Variants in DCLK1 observed in about 807,000 individuals in gnomAD.
DCLK1 encodes the protein doublecortin like kinase 1, also known as serine/threonine-protein kinase DCLK1.
DCLK1 carries 16 observed loss-of-function variants against 86.2 expected under a neutral mutation model. The observed-to-expected ratio is 0.19, with a 90% CI of 0.13 to 0.28. The LOEUF is 0.28. Ranked by LOEUF, DCLK1 falls within the 10% of genes least tolerant of loss-of-function variation. The pLI, the probability that DCLK1 is intolerant of heterozygous loss-of-function variation, is 1.00. For synonymous variants in DCLK1, 369 were observed against 370.5 expected (o/e 1.00, Z 0.05); for missense variants, 590 against 940.2 (o/e 0.63, Z 4.87).
chr13:36,111,981 A>G lies in DCLK1; in HGVS notation c.611T>C (p.Leu204Pro). 6.2e-7 allele frequency: 1 copy of G among 1,614,256 alleles called. No individual in the cohort carries two copies. The highest frequency in any genetic ancestry group is 8.5e-7 in the Non-Finnish European group (1 of 1,180,050). Residue 204 changes from leucine to proline, a missense_variant, in exon 3 of 17, where the codon CTG becomes CCG. By Grantham distance (98) the Leu-to-Pro change is moderately conservative (BLOSUM62 -3). This residue lies in a region of DCLK1 where 195 missense variants were observed against 365.1 expected (regional missense o/e 0.53). Coordinates refer to ENST00000360631, the MANE Select transcript of DCLK1 (RefSeq NM_001330071.2). ...GGAATGAGCCGTTTTCTTGTTCAGC[A>G]GAATCCTGACAGCTTTCCGTGGCTT... ...GVKPRKAVRILLNKKTAHSFE... is the reference protein window; with the variant it reads ...GVKPRKAVRIPLNKKTAHSFE...
chr13:35,909,835 T>C (rs1348277132), intron 4 of DCLK1, among the ~76,000 whole-genome samples: 1 of 151,972 alleles, frequency 6.6e-6, no homozygotes, highest in Non-Finnish European at 1.5e-5. Flanking sequence ...CTAGACTTTA[T>C]TACTCCTTAA....
intron 3 of DCLK1, among the ~76,000 whole-genome samples, chr13:35,961,092 GA>G (rs1195809183): frequency 6.6e-6 from 1 of 152,128 alleles, no homozygotes; most frequent in East Asian, 1.9e-4. Flanking sequence ...ATAGGCTCTG[GA>G]GTCAGAGAAA....
chr13:36,012,367 G>A lies in DCLK1; in HGVS notation c.724-64910C>T, dbSNP rs566846486. 3.3e-3 allele frequency among the ~76,000 whole-genome samples: 503 copies of A among 152,008 alleles called. 2 individuals are homozygous for A. The highest frequency in any genetic ancestry group is 3.5e-3 in the Non-Finnish European group (238 of 67,962). On this transcript the variant is annotated intron_variant, in intron 3 of 16. Transcript: ENST00000360631. ...GCATGATTTTGCCACGGCTGTTACC[G>A]GTTGTTCCTTTCCATGTTTAGCGCT... is the stretch of plus-strand genomic sequence containing the variant.
At chr13:35,965,442 C>T (rs1878682111) in intron 3 of DCLK1, among the ~76,000 whole-genome samples, 1 of 152,220 alleles carries the variant, frequency 6.6e-6, no homozygotes, top group African/African-American at 2.4e-5. Flanking sequence ...CTAATTCCAT[C>T]TGATAGTGCC....
At chr13:35,990,794 G>A (rs982361391) in intron 3 of DCLK1, among the ~76,000 whole-genome samples, 2 of 117,750 alleles carry the variant, frequency 1.7e-5, no homozygotes, top group African/African-American at 5.8e-5. Flanking sequence ...AGCCAACGTG[G>A]GGATTTTTTT....
chr13:35,973,495 A>G (rs1234031152), intron 3 of DCLK1, among the ~76,000 whole-genome samples: 1 of 152,054 alleles, frequency 6.6e-6, no homozygotes, highest in Non-Finnish European at 1.5e-5. Context: ...CCTCTCTAAC[A>G]AGGCATGCCA....
intron 8 of DCLK1, among the ~76,000 whole-genome samples, chr13:35,832,727 A>G (rs748672809): frequency 2.0e-5 from 3 of 152,188 alleles, no homozygotes; most frequent in Non-Finnish European, 4.4e-5. Context: ...TAAAGAGATA[A>G]CTGCCAAGAG....
At chr13:35,893,768 T>C (rs1873783542) in intron 4 of DCLK1, among the ~76,000 whole-genome samples, 1 of 152,260 alleles carries the variant, frequency 6.6e-6, no homozygotes, top group Admixed American at 6.5e-5. Context: ...TTAGTTAATC[T>C]GCACACATTA....
intron 8 of DCLK1, among the ~76,000 whole-genome samples, chr13:35,830,002 A>T (rs1195014393): frequency 6.6e-6 from 1 of 152,214 alleles, no homozygotes; most frequent in African/African-American, 2.4e-5. Flanking sequence ...GGTGTGCTAG[A>T]TGTTCCCACA....
intron 3 of DCLK1, among the ~76,000 whole-genome samples, chr13:36,000,379 G>T (rs1362820200): frequency 6.6e-6 from 1 of 152,176 alleles, no homozygotes; most frequent in African/African-American, 2.4e-5. Context: ...TTCTAGGGGT[G>T]AGGATGAAGA....
intron 3 of DCLK1, among the ~76,000 whole-genome samples, chr13:36,076,291 T>C (rs893243386): frequency 6.6e-6 from 1 of 152,200 alleles, no homozygotes; most frequent in Non-Finnish European, 1.5e-5. Flanking sequence ...GACTAGGTGG[T>C]CCTTGCACCA....
At chr13:36,078,635 T>G (rs560229151) in intron 3 of DCLK1, among the ~76,000 whole-genome samples, 1 of 152,320 alleles carries the variant, frequency 6.6e-6, no homozygotes, top group South Asian at 2.1e-4. Context: ...ATGAAGTATC[T>G]GAGCACTGGA....
At chr13:35,975,460 C>A (rs1879286584) in intron 3 of DCLK1, among the ~76,000 whole-genome samples, 1 of 152,166 alleles carries the variant, frequency 6.6e-6, no homozygotes, top group Non-Finnish European at 1.5e-5. Context: ...CTCCCTGTTC[C>A]TGGACAAGTC....
At chr13:35,890,864 C>T (rs1363064634) in intron 4 of DCLK1, among the ~76,000 whole-genome samples, 5 of 132,580 alleles carry the variant, frequency 3.8e-5, no homozygotes, top group Non-Finnish European at 6.3e-5. Context: ...GTTAATATCC[C>T]TCTGCTTTTT....
chr13:35,852,888 T>A lies in DCLK1; in HGVS notation c.1035+1611A>T, dbSNP rs559629014. 2.0e-5 allele frequency among the ~76,000 whole-genome samples: 3 copies of A among 152,302 alleles called. No homozygotes were observed. In the East Asian group the frequency reaches 5.8e-4, roughly 29 times the overall value. On this transcript the variant is annotated intron_variant, in intron 6 of 16. Transcript: ENST00000360631. ...AACAACTAAGCATAAACGACACCAATAAATCTTTAATCTGAGTTTAATTAG... is the reference window on the plus strand; with the variant it reads ...AACAACTAAGCATAAACGACACCAAAAAATCTTTAATCTGAGTTTAATTAG...
At position 35,836,068 on chromosome 13, in the gene DCLK1, A is replaced by G. The variant is rs1869348600; in HGVS notation, c.1194T>C (p.Asp398=). The G allele has an allele frequency of 6.2e-7, 1 of 1,613,280 alleles. No homozygotes were observed. Among genetic ancestry groups the G allele is most frequent in the African/African-American group, 1.3e-5 (1 of 74,928 alleles). The part of the protein sequence containing the change: ...ERYKVGRTIG[D]GNFAVVKECV... ...ATTCCTTGACAACAGCAAAATTTCC[A>G]TCTCCTATTGTTCTTCCGACTTTAT... Residue 398 remains aspartate, a synonymous_variant, in exon 8 of 17, where the codon GAT becomes GAC. Transcript: ENST00000360631.
intron 3 of DCLK1, among the ~76,000 whole-genome samples, chr13:36,017,539 G>C (rs1315883704): frequency 6.6e-6 from 1 of 152,110 alleles, no homozygotes; most frequent in East Asian, 1.9e-4. Flanking sequence ...CTGGGGTATG[G>C]TATGATCCAA....
At chr13:36,002,046 AAAC>A (rs1400192197) in intron 3 of DCLK1, among the ~76,000 whole-genome samples, 3 of 152,196 alleles carry the variant, frequency 2.0e-5, no homozygotes, top group Non-Finnish European at 2.9e-5. Context: ...CTCTCTTTAA[AAAC>A]AACAACTCTA....
chr13:35,853,663 C>T (rs2153110457), intron 6 of DCLK1, among the ~76,000 whole-genome samples: 1 of 152,294 alleles, frequency 6.6e-6, no homozygotes, highest in African/African-American at 2.4e-5. Context: ...CAGTAGACTG[C>T]AAGGAGTTCT....
Sources: allele counts gnomAD v4.1 joint callset (sites outside exome capture counted in the v4.1 genomes callset), GRCh38; gene constraint gnomAD v4.1.1; regional missense constraint gnomAD v4.1.1; transcripts MANE v1.5; gene names NCBI Gene and HGNC (gene_info 2026-07-23, HGNC 2026-07-21).